The following CEP162 variants were observed in gnomAD, a reference collection of about 807,000 sequenced individuals.
The protein encoded by CEP162 is centrosomal protein of 162 kDa.
CEP162 carries 141 observed loss-of-function variants against 169.2 expected under a neutral mutation model. That is an observed-to-expected ratio of 0.83 (90% CI 0.73 to 0.96). CEP162 has a LOEUF of 0.96. CEP162 is among the 40% of genes least tolerant of loss of function. The probability of loss-of-function intolerance (pLI) is 0.00; values close to 1 mark genes in which losing one functional copy is unlikely to be tolerated. For synonymous variants in CEP162, 540 were observed against 526.4 expected (o/e 1.03, Z -0.35); for missense variants, 1,600 against 1,587.2 (o/e 1.01, Z -0.14).
intron 21 of CEP162, among the ~76,000 whole-genome samples, chr6:84,156,579 G>A (rs570713734): frequency 6.2e-4 from 94 of 152,266 alleles, no homozygotes; most frequent in African/African-American, 1.8e-3. Flanking sequence ...AGACGTTAGC[G>A]AGGATGTGGA....
chr6:84,124,964 TG>T lies in CEP162; in HGVS notation c.*105del. Reference sequence around the variant, plus strand: ...AATGTTGCTTTGGTTGTTTGCTTTCTGGAAACATATTGGAACACTTGTTTTT... The same window carrying T: ...AATGTTGCTTTGGTTGTTTGCTTTCTGAAACATATTGGAACACTTGTTTTT... On this transcript the variant is annotated 3_prime_UTR_variant, in exon 27 of 27. Coordinates refer to ENST00000403245, the MANE Select transcript of CEP162 (RefSeq NM_014895.4). 1.2e-6 allele frequency: 1 copy of T among 859,146 alleles called. No homozygotes were observed. The highest frequency in any genetic ancestry group is 1.8e-6 in the Non-Finnish European group (1 of 551,838). 53.2% of individuals were successfully genotyped at this position (859,146 alleles called of 1,614,324 possible).
chr6:84,169,870 C>T (rs541638651), intron 17 of CEP162, among the ~76,000 whole-genome samples: 2 of 152,212 alleles, frequency 1.3e-5, no homozygotes, highest in East Asian at 3.9e-4. Flanking sequence ...ACTTTAGATT[C>T]AATTTTCCTG....
intron 13 of CEP162, among the ~76,000 whole-genome samples, chr6:84,184,095 T>A (rs182301520): frequency 2.6e-5 from 4 of 152,156 alleles, no homozygotes; most frequent in African/African-American, 9.6e-5. Context: ...GAACTAGCCA[T>A]GTTACTGTGC....
intron 9 of CEP162, among the ~76,000 whole-genome samples, chr6:84,198,681 T>C (rs1426333832): frequency 6.6e-6 from 1 of 152,210 alleles, no homozygotes; most frequent in Non-Finnish European, 1.5e-5. Flanking sequence ...TAGCATGTAT[T>C]ATTAACAGAG....
At chr6:84,206,183 T>A (rs1390307406) in intron 6 of CEP162, among the ~76,000 whole-genome samples, 1 of 149,294 alleles carries the variant, frequency 6.7e-6, no homozygotes, top group South Asian at 2.1e-4. Flanking sequence ...CCCATCAAGC[T>A]ACCAATGACT....
At chr6:84,176,866 A>C (rs559406128) in intron 13 of CEP162, among the ~76,000 whole-genome samples, 11 of 152,038 alleles carry the variant, frequency 7.2e-5, no homozygotes, top group Non-Finnish European at 1.5e-4. Flanking sequence ...TCAGTGGACT[A>C]AAGTATCAAG....
rs776044748 is a variant in CEP162, at chr6:84,152,709, G to A, written c.3465C>T (p.Asp1155=). Residue 1155 remains aspartate (D), a synonymous_variant, in exon 23 of 27, where the codon GAC becomes GAT. Coordinates refer to ENST00000403245, the MANE Select transcript of CEP162 (RefSeq NM_014895.4). ...GNANSFPGTL[D]SKLYQPHTFT... ...AAGTATGTGGTTGGTACAGCTTGCT[G>A]TCCAGGGTTCCAGGGAAGGAGTTAG... 3 of 1,612,966 alleles carry A rather than the reference G, an allele frequency of 1.9e-6. No individual in the cohort carries two copies. Among genetic ancestry groups the A allele is most frequent in the South Asian group, 1.1e-5 (1 of 90,998 alleles).
At chr6:84,217,177 A>T (rs562707408) in intron 3 of CEP162, among the ~76,000 whole-genome samples, 14 of 151,506 alleles carry the variant, frequency 9.2e-5, no homozygotes, top group East Asian at 1.9e-4. Context: ...ATCAGTGAAT[A>T]AAAAAAAACA....
chr6:84,178,230 A>T (rs1238484524), intron 13 of CEP162, among the ~76,000 whole-genome samples: 1 of 152,160 alleles, frequency 6.6e-6, no homozygotes, highest in African/African-American at 2.4e-5. Context: ...ATGTTAAAAA[A>T]TTGTTACGTT....
rs1484809143 is a variant in CEP162 at position 84,180,477 on chromosome 6, G to A, written c.1663+4710C>T. ...TCTCACCACTCCTATTCAACATAGTGTTGGAAGTTCTGGCCAGGGCAATCA... is the reference window on the plus strand; with the variant it reads ...TCTCACCACTCCTATTCAACATAGTATTGGAAGTTCTGGCCAGGGCAATCA... On this transcript the variant is annotated intron_variant, in intron 13 of 26. Coordinates refer to ENST00000403245, the MANE Select transcript of CEP162 (RefSeq NM_014895.4). Among the ~76,000 whole-genome samples, 7 of 151,950 alleles carry A rather than the reference G, an allele frequency of 4.6e-5. No individual in the cohort carries two copies. In the South Asian group the frequency reaches 8.4e-4, roughly 18 times the overall value.
chr6:84,172,817 C>T (rs2099530695), intron 16 of CEP162, among the ~76,000 whole-genome samples: 1 of 151,704 alleles, frequency 6.6e-6, no homozygotes, highest in African/African-American at 2.4e-5. Flanking sequence ...TTACAGTTGT[C>T]AAAAGAGAAG....
At position 84,201,731 on chromosome 6, in the gene CEP162, AT is replaced by A; in HGVS notation, c.718+5del. The A allele has an allele frequency of 1.5e-6, 2 of 1,311,928 alleles. No homozygotes were observed. Among genetic ancestry groups the A allele is most frequent in the South Asian group, 1.4e-5 (1 of 72,486 alleles). 81.3% of individuals were successfully genotyped at this position (1,311,928 alleles called of 1,614,324 possible). A position where few individuals can be genotyped will look rare whatever the true frequency, so the allele number is the denominator to read the frequency against. ...CAACTAAAACATGAATATAAATAAT[AT>A]TTACCATTAGCAAGCATGCCAGTTT... On this transcript the variant is annotated splice_donor_5th_base_variant and intron_variant, in intron 8 of 26. Coordinates refer to ENST00000403245, the MANE Select transcript of CEP162 (RefSeq NM_014895.4).
chr6:84,202,025 T>C (rs1321537873), intron 7 of CEP162, among the ~76,000 whole-genome samples: 3 of 152,230 alleles, frequency 2.0e-5, no homozygotes, highest in Non-Finnish European at 4.4e-5. Flanking sequence ...TAAAAATTCT[T>C]GCTTAAAGTA....
At chr6:84,184,377 A>G (rs1460761101) in intron 13 of CEP162, among the ~76,000 whole-genome samples, 6 of 152,084 alleles carry the variant, frequency 3.9e-5, no homozygotes, top group Non-Finnish European at 8.8e-5. Context: ...TATAATTTGA[A>G]GCACCATTCC....
rs190577277 is a variant in CEP162, at chr6:84,149,984, T to C, written c.3630-281A>G. Among the ~76,000 whole-genome samples, 79 of 152,234 alleles carry C rather than the reference T, an allele frequency of 5.2e-4. 1 individual carries two copies. The East Asian group carries it at 0.012, about 23-fold the overall frequency. Reference sequence around the variant, plus strand: ...CCTGAGGCTACACTTTCTGAGGGAATCTAGGGTTCCAAAAGCAAAGCACTT... The same window carrying C: ...CCTGAGGCTACACTTTCTGAGGGAACCTAGGGTTCCAAAAGCAAAGCACTT... On this transcript the variant is annotated intron_variant, in intron 23 of 26. Coordinates refer to ENST00000403245, the MANE Select transcript of CEP162 (RefSeq NM_014895.4).
At chr6:84,178,735 G>A (rs2099533441) in intron 13 of CEP162, among the ~76,000 whole-genome samples, 1 of 152,092 alleles carries the variant, frequency 6.6e-6, no homozygotes, top group Non-Finnish European at 1.5e-5. Context: ...ATGTATACAT[G>A]TTCCATGTTG....
intron 6 of CEP162, among the ~76,000 whole-genome samples, chr6:84,208,535 T>C (rs985725174): frequency 1.3e-5 from 2 of 152,210 alleles, no homozygotes; most frequent in African/African-American, 4.8e-5. Context: ...TTGTGTGTAA[T>C]TAATACTGGA....
intron 2 of CEP162, among the ~76,000 whole-genome samples, chr6:84,222,730 T>C (rs966819626): frequency 1.3e-5 from 2 of 152,160 alleles, no homozygotes; most frequent in African/African-American, 2.4e-5. Context: ...GTTATCTGAG[T>C]GACCTTTTAA....
intron 6 of CEP162, among the ~76,000 whole-genome samples, chr6:84,205,000 T>C (rs1402465975): frequency 1.3e-5 from 2 of 152,006 alleles, no homozygotes; most frequent in Non-Finnish European, 2.9e-5. Context: ...CCTGGACACA[T>C]ACACCCTCCC....
Sources: gnomAD v4.1 joint callset for allele counts (sites outside exome capture counted in the v4.1 genomes callset) on GRCh38, gnomAD v4.1.1 for gene constraint, MANE v1.5 for transcripts, NCBI Gene and HGNC (gene_info 2026-07-23, HGNC 2026-07-21) for gene names.